DNAH17: variants seen among roughly 807,000 people sequenced by gnomAD.
The protein encoded by DNAH17 is axonemal beta dynein heavy chain 17.
Under a neutral mutation model 485.6 loss-of-function variants are expected in DNAH17, and 376 were observed. The ratio of observed to expected loss-of-function variants is 0.77; its 90% CI spans 0.71 to 0.84. The LOEUF is 0.84. Among genes scored for constraint, DNAH17 ranks in the 40% least tolerant of loss-of-function variants. DNAH17 has a pLI of 0.00. For missense variants in DNAH17, 6,370 were observed against 5,839.3 expected (o/e 1.09, Z -2.96); for synonymous variants, 3,031 against 2,405.9 (o/e 1.26, Z -7.60).
rs764141882 is a variant in DNAH17, at chr17:78,455,835, G to A, written c.9979C>T (p.Leu3327=). 1 of 1,597,082 alleles carries A rather than the reference G, an allele frequency of 6.3e-7. No individual in the cohort carries two copies. The highest frequency in any genetic ancestry group is 1.8e-5 in the Admixed American group (1 of 57,052). The stretch of plus-strand genomic sequence containing the variant: ...TTTTCCGATGCTAATCCCCCGACCA[G>A]CCTAAAGTGGGATGAGAGAGAATAA... ...TNRVILLANR[L]VGGLASENIR... The change falls in exon 63 of 81, where the codon CTG becomes TTG. Residue 3327 remains leucine (L), a splice_region_variant and synonymous_variant. Coordinates refer to ENST00000389840, the MANE Select transcript of DNAH17 (RefSeq NM_173628.4).
At chr17:78,548,978 G>A (rs760786794) in intron 16 of DNAH17, among the ~76,000 whole-genome samples, 9 of 152,256 alleles carry the variant, frequency 5.9e-5, no homozygotes, top group East Asian at 1.9e-4. Flanking sequence ...CAGAATGGAC[G>A]TGATGAGGAA....
chr17:78,464,971 C>T (rs776814516), intron 56 of DNAH17, among the ~76,000 whole-genome samples: 5 of 152,220 alleles, frequency 3.3e-5, no homozygotes, highest in South Asian at 2.1e-4. Flanking sequence ...CCTCTCCCCA[C>T]GGTCTCCCTC....
rs758449318 is a variant in DNAH17 at position 78,510,503 on chromosome 17, TCA to T, written c.4115_4116del (p.Val1372GlufsTer3). On this transcript the variant is annotated frameshift_variant and splice_region_variant, in exon 27 of 81. Coordinates refer to ENST00000389840, the MANE Select transcript of DNAH17 (RefSeq NM_173628.4). LOFTEE classifies it high-confidence loss of function. ...HWQQLMQATQ[V>X]KFKMSEETTL... ...GTCGTCTCTTCTGACATTTTAAATT[TCA>T]CCTAAGGGAAAAAAATCCAGGCAGG... 6.2e-7 allele frequency: 1 copy of T among 1,613,770 alleles called. No homozygotes were observed. Among genetic ancestry groups the T allele is most frequent in the Non-Finnish European group, 8.5e-7 (1 of 1,179,722 alleles).
rs566236394 is a variant in DNAH17, at chr17:78,450,235, C to A, written c.11040+19G>T. The A allele has an allele frequency of 1.4e-4, 221 of 1,612,838 alleles. 1 individual carries two copies. In the Admixed American group the frequency reaches 3.5e-3, roughly 26 times the overall value. On this transcript the variant is annotated intron_variant, in intron 68 of 80. Coordinates refer to ENST00000389840, the MANE Select transcript of DNAH17 (RefSeq NM_173628.4). ...GCCCCACCTTGAGGGAGGCACCCAG[C>A]CCCAGCTGCAGGGCGCACCTTGAGG...
intron 75 of DNAH17, among the ~76,000 whole-genome samples, chr17:78,432,198 A>AT: frequency 6.7e-6 from 1 of 148,322 alleles, no homozygotes; most frequent in Non-Finnish European, 1.5e-5. Flanking sequence ...AAATAAATAA[A>AT]TAAATAAAAT....
intron 19 of DNAH17, 150 bp from the exon 20 acceptor site, chr17:78,532,886 G>T: frequency 1.0e-6 from 1 of 974,080 alleles, no homozygotes; most frequent in Non-Finnish European, 1.5e-6. Flanking sequence ...AGCCTGGGCC[G>T]ATCACCCCTC....
At chr17:78,497,432 C>T (rs553795557) in intron 37 of DNAH17, among the ~76,000 whole-genome samples, 1 of 152,302 alleles carries the variant, frequency 6.6e-6, no homozygotes, top group East Asian at 1.9e-4. Flanking sequence ...TGGGGCCTTT[C>T]GGAACAGCAC....
intron 48 of DNAH17, among the ~76,000 whole-genome samples, chr17:78,484,157 A>G (rs2089479298): frequency 1.3e-5 from 2 of 149,952 alleles, no homozygotes; most frequent in African/African-American, 4.9e-5. Context: ...CATCTTTCCA[A>G]ACTGCAAACC....
At chr17:78,450,613 G>A (rs1568067592) in intron 67 of DNAH17, 69 bp downstream of exon 67, 1 of 1,540,418 alleles carries the variant, frequency 6.5e-7, no homozygotes, top group Non-Finnish European at 8.8e-7. Context: ...TGGTAGGGAG[G>A]CGCCGATCGC....
chr17:78,496,662 T>G (rs2090082322), intron 37 of DNAH17: 1 of 128,302 alleles, frequency 7.8e-6, no homozygotes, highest in Non-Finnish European at 1.6e-5. Flanking sequence ...TCTTCCCAGA[T>G]GGACTTTTTT....
chr17:78,475,945 T>C lies in DNAH17; in HGVS notation c.8155-112A>G, dbSNP rs2146596625. The C allele has an allele frequency of 2.4e-6, 3 of 1,255,426 alleles. No homozygotes were observed. In the South Asian group the frequency reaches 4.7e-5, roughly 20 times the overall value. The allele number at this position is 1,255,426 out of a possible 1,614,324, so 77.8% of individuals were successfully genotyped here. ...GGTGGCCTAGGAGGTCACCACGGGG[T>C]CCCAGGCCAAGTCTCCAGGGGCCCA... On this transcript the variant is annotated intron_variant, in intron 52 of 80. Transcript: ENST00000389840.
chr17:78,505,945 T>A (rs1435348873), intron 30 of DNAH17, among the ~76,000 whole-genome samples: 2 of 151,990 alleles, frequency 1.3e-5, no homozygotes, highest in Non-Finnish European at 2.9e-5. Flanking sequence ...GCCATTGCAC[T>A]CCAGCCTGGG....
At chr17:78,477,195 A>C (rs2089070540) in intron 51 of DNAH17, among the ~76,000 whole-genome samples, 1 of 152,156 alleles carries the variant, frequency 6.6e-6, no homozygotes, top group Non-Finnish European at 1.5e-5. Flanking sequence ...CGATGATGCA[A>C]CAGAACCTGA....
Position 78,530,411 on chromosome 17 carries a change from G to A in DNAH17, c.3216C>T (p.Ala1072=), listed in dbSNP as rs767682739. ...CCCAGCGCCGGATTGTGCTGAGCAGGGCCTGCTTGAAGGGGCGGCAGTCGC... is the reference window on the plus strand; with the variant it reads ...CCCAGCGCCGGATTGTGCTGAGCAGAGCCTGCTTGAAGGGGCGGCAGTCGC... The part of the protein sequence containing the change: ...LQCDCRPFKQ[A]LLSTIRRWGF... Residue 1072 remains alanine, a synonymous_variant, in exon 21 of 81, where the codon GCC becomes GCT. Transcript: ENST00000389840. 2.5e-6 allele frequency: 4 copies of A among 1,613,742 alleles called. No individual in the cohort carries two copies. In the South Asian group the frequency reaches 4.4e-5, roughly 18 times the overall value.
At chr17:78,546,693 G>A in intron 16 of DNAH17, among the ~76,000 whole-genome samples, 1 of 152,146 alleles carries the variant, frequency 6.6e-6, no homozygotes, top group East Asian at 1.9e-4. Flanking sequence ...ATCACCTGAG[G>A]CCAGGAATTT....
chr17:78,507,146 T>C (rs1309698279), intron 29 of DNAH17, 132 bp downstream of exon 29: 7 of 1,042,114 alleles, frequency 6.7e-6, no homozygotes, highest in African/African-American at 3.2e-5. Flanking sequence ...GGAAAGGCAA[T>C]TGATTAACCC....
intron 18 of DNAH17, 137 bp from the exon 19 acceptor site, chr17:78,537,618 T>G: frequency 9.5e-7 from 1 of 1,054,168 alleles, no homozygotes; most frequent in Non-Finnish European, 1.4e-6. Context: ...AGAGCTCGTG[T>G]CTCAGCGCAC....
At chr17:78,456,377 C>T (rs751264838) in intron 62 of DNAH17, among the ~76,000 whole-genome samples, 8 of 152,078 alleles carry the variant, frequency 5.3e-5, no homozygotes, top group African/African-American at 1.2e-4. Context: ...TTCCTCTTCC[C>T]AAGTCACCCG....
intron 62 of DNAH17, among the ~76,000 whole-genome samples, chr17:78,456,610 G>T (rs939925097): frequency 6.6e-6 from 1 of 152,138 alleles, no homozygotes. Flanking sequence ...CGTGCTTCTC[G>T]GGCCACCATC....
Sources: allele counts gnomAD v4.1 joint callset (sites outside exome capture counted in the v4.1 genomes callset), GRCh38; gene constraint gnomAD v4.1.1; transcripts MANE v1.5; gene names NCBI Gene and HGNC (gene_info 2026-07-23, HGNC 2026-07-21).